KCNH8: variants seen among roughly 807,000 people sequenced by gnomAD.
KCNH8 encodes the protein potassium voltage-gated channel subfamily H member 8.
In KCNH8, 70 loss-of-function variants were observed where a neutral mutation model predicts 103.6. The observed-to-expected ratio is 0.68, with a 90% CI of 0.56 to 0.82. The LOEUF (loss-of-function observed/expected upper bound fraction) is 0.82. Ranked by LOEUF, KCNH8 falls within the 40% of genes least tolerant of loss-of-function variation. The pLI, the probability that KCNH8 is intolerant of heterozygous loss-of-function variation, is 0.00. For missense variants in KCNH8, 1,217 were observed against 1,329.9 expected (o/e 0.92, Z 1.32); for synonymous variants, 498 against 489.4 (o/e 1.02, Z -0.23).
intron 3 of KCNH8, among the ~76,000 whole-genome samples, chr3:19,328,473 T>A (rs903232905): frequency 6.6e-6 from 1 of 152,132 alleles, no homozygotes; most frequent in South Asian, 2.1e-4. Context: ...TTTCACACAC[T>A]GTAAATAGAA....
intron 1 of KCNH8, among the ~76,000 whole-genome samples, chr3:19,178,149 A>G (rs1013138021): frequency 1.3e-5 from 2 of 152,118 alleles, no homozygotes; most frequent in Non-Finnish European, 2.9e-5. Flanking sequence ...CTGGATTGTT[A>G]ATAAGATTTA....
chr3:19,352,665 A>G (rs932668851), intron 5 of KCNH8, among the ~76,000 whole-genome samples: 3 of 152,220 alleles, frequency 2.0e-5, no homozygotes, highest in African/African-American at 7.2e-5. Context: ...GGCAGAAATA[A>G]AGATGTTCTT....
At chr3:19,158,988 G>A (rs1575402767) in intron 1 of KCNH8, among the ~76,000 whole-genome samples, 3 of 151,636 alleles carry the variant, frequency 2.0e-5, no homozygotes, top group Admixed American at 2.0e-4. Flanking sequence ...AACTTTAAGG[G>A]GTATTATTTT....
chr3:19,276,467 G>C (rs1316170757), intron 2 of KCNH8, among the ~76,000 whole-genome samples: 1 of 151,940 alleles, frequency 6.6e-6, no homozygotes, highest in Non-Finnish European at 1.5e-5. Flanking sequence ...TCAAAATCCT[G>C]CTTGATATTA....
At chr3:19,512,855 G>C (rs1330998322) in intron 12 of KCNH8, 115 bp from the exon 13 acceptor site, 14 of 928,150 alleles carry the variant, frequency 1.5e-5, no homozygotes, top group Non-Finnish European at 2.1e-5. Flanking sequence ...CAGTTTTAAT[G>C]AAAAGTAAGT....
intron 11 of KCNH8, among the ~76,000 whole-genome samples, chr3:19,493,302 G>A (rs1241388514): frequency 6.6e-6 from 1 of 152,090 alleles, no homozygotes; most frequent in Non-Finnish European, 1.5e-5. Context: ...GTTAGGCTTT[G>A]TGTCCCCACC....
intron 3 of KCNH8, among the ~76,000 whole-genome samples, chr3:19,294,932 C>A (rs1225923041): frequency 6.6e-6 from 1 of 152,210 alleles, no homozygotes; most frequent in Non-Finnish European, 1.5e-5. Context: ...TCGGACAAAA[C>A]TTTCTGAAGC....
At chr3:19,532,351 G>C (rs1341395538) in intron 15 of KCNH8, among the ~76,000 whole-genome samples, 1 of 152,122 alleles carries the variant, frequency 6.6e-6, no homozygotes, top group Non-Finnish European at 1.5e-5. Flanking sequence ...GCCCTGCAGT[G>C]CTTATCTCTA....
intron 3 of KCNH8, among the ~76,000 whole-genome samples, chr3:19,324,014 A>G (rs1192626942): frequency 6.6e-6 from 1 of 152,180 alleles, no homozygotes; most frequent in Non-Finnish European, 1.5e-5. Context: ...TCGAGAGCAC[A>G]TCAGCTGTAG....
intron 7 of KCNH8, among the ~76,000 whole-genome samples, chr3:19,437,579 TG>T (rs2067218497): frequency 1.3e-5 from 2 of 152,166 alleles, no homozygotes; most frequent in Admixed American, 6.6e-5. Context: ...AATTTCGAAG[TG>T]GGACTGCAAA....
intron 8 of KCNH8, among the ~76,000 whole-genome samples, chr3:19,443,157 G>A (rs1178105495): frequency 6.6e-6 from 1 of 151,718 alleles, no homozygotes; most frequent in Non-Finnish European, 1.5e-5. Flanking sequence ...ACACAAGGCT[G>A]ATGAAATTGC....
At chr3:19,514,405 TAAAC>T (rs925155178) in intron 13 of KCNH8, among the ~76,000 whole-genome samples, 3 of 151,898 alleles carry the variant, frequency 2.0e-5, no homozygotes, top group African/African-American at 7.2e-5. Flanking sequence ...ATACTAAAAT[TAAAC>T]ATAATAAATT....
At chr3:19,183,722 C>G (rs1039498667) in intron 1 of KCNH8, among the ~76,000 whole-genome samples, 11 of 152,014 alleles carry the variant, frequency 7.2e-5, no homozygotes, top group Non-Finnish European at 1.5e-4. Context: ...ACACGTGTGG[C>G]TGACAAAATA....
At chr3:19,313,305 A>G (rs79808765) in intron 3 of KCNH8, among the ~76,000 whole-genome samples, 3,325 of 151,988 alleles carry the variant, frequency 0.022, 120 homozygotes, top group African/African-American at 0.073. Flanking sequence ...TATAGTAAAA[A>G]AAAATCCCAG....
At chr3:19,304,041 G>A (rs1263131800) in intron 3 of KCNH8, among the ~76,000 whole-genome samples, 1 of 152,118 alleles carries the variant, frequency 6.6e-6, no homozygotes, top group Non-Finnish European at 1.5e-5. Flanking sequence ...ACTAAAAGAG[G>A]AGAAAATAAG....
intron 7 of KCNH8, among the ~76,000 whole-genome samples, chr3:19,428,342 G>C (rs764121215): frequency 6.6e-6 from 1 of 152,050 alleles, no homozygotes; most frequent in South Asian, 2.1e-4. Flanking sequence ...TAATGACTTC[G>C]GTACCTCATA....
At chr3:19,516,510 A>G (rs1453357390) in intron 14 of KCNH8, among the ~76,000 whole-genome samples, 1 of 152,094 alleles carries the variant, frequency 6.6e-6, no homozygotes, top group Non-Finnish European at 1.5e-5. Context: ...CAAAGAAATC[A>G]TAGTTATCAT....
At chr3:19,483,598 C>T (rs1363451753) in intron 11 of KCNH8, among the ~76,000 whole-genome samples, 1 of 152,138 alleles carries the variant, frequency 6.6e-6, no homozygotes, top group Non-Finnish European at 1.5e-5. Flanking sequence ...AGAAACTGGG[C>T]TACATGCTCG....
chr3:19,472,149 A>G (rs193045684), intron 11 of KCNH8, among the ~76,000 whole-genome samples: 2 of 151,548 alleles, frequency 1.3e-5, no homozygotes, highest in Non-Finnish European at 2.9e-5. Context: ...TTGCTGGTAC[A>G]AAGTATGTGC....
Sources: gnomAD v4.1 joint callset for allele counts (sites outside exome capture counted in the v4.1 genomes callset) on GRCh38, gnomAD v4.1.1 for gene constraint, MANE v1.5 for transcripts, NCBI Gene and HGNC (gene_info 2026-07-23, HGNC 2026-07-21) for gene names.